The following CNTN5 variants were observed in gnomAD, a reference collection of about 807,000 sequenced individuals.
The protein encoded by CNTN5 is contactin-5.
A neutral mutation model predicts 129.1 loss-of-function variants in CNTN5; 77 were observed. That is an observed-to-expected ratio of 0.60 (90% confidence interval 0.50 to 0.72). The LOEUF (loss-of-function observed/expected upper bound fraction) is 0.72. Among genes scored for constraint, CNTN5 ranks in the 30% least tolerant of loss-of-function variants. The pLI, the probability that CNTN5 is intolerant of heterozygous loss-of-function variation, is 0.00. For missense variants in CNTN5, 1,478 were observed against 1,328.8 expected, an observed-to-expected ratio of 1.11 and a Z score of -1.75; for synonymous variants, 509 against 465.6, an observed-to-expected ratio of 1.09 and a Z score of -1.20.
intron 9 of CNTN5, among the ~76,000 whole-genome samples, chr11:100,027,341 C>T (rs1413594984): frequency 2.0e-5 from 3 of 152,186 alleles, no homozygotes; most frequent in East Asian, 1.9e-4. Flanking sequence ...TCTTTCAGTT[C>T]CTATATTTAT....
At chr11:99,447,528 A>T (rs933465932) in intron 2 of CNTN5, among the ~76,000 whole-genome samples, 3 of 152,232 alleles carry the variant, frequency 2.0e-5, no homozygotes, top group Admixed American at 6.5e-5. Context: ...GAAGTTATAA[A>T]AATTCCCTAT....
At position 99,449,021 on chromosome 11, in the gene CNTN5, G is replaced by C. The variant is rs554783735; in HGVS notation, c.-70-107124G>C. ...TGGTCTGGAACTACTGAGCTCAAGC[G>C]ATTCGCCTGTCTTGGTCTCCAAAGT... On this transcript the variant is annotated intron_variant, in intron 2 of 24. Coordinates refer to ENST00000524871, the MANE Select transcript of CNTN5 (RefSeq NM_014361.4). 7.3e-4 allele frequency among the ~76,000 whole-genome samples: 111 copies of C among 152,000 alleles called. 1 individual carries two copies. Among genetic ancestry groups the C allele is most frequent in the African/African-American group, 2.6e-3 (107 of 41,476 alleles).
rs1212134006 is a variant in CNTN5 at position 99,178,395 on chromosome 11, C to CCTGTAGTCCT, written c.-209-146950_-209-146941dup. On this transcript the variant is annotated intron_variant, in intron 1 of 24. Coordinates refer to ENST00000524871, the MANE Select transcript of CNTN5 (RefSeq NM_014361.4). ...AATTAGCCAGGTGTGGGGCTGTGCA[C>CCTGTAGTCCT]CTGTAGTCCTAGCTATTCAGGAGCC... is the stretch of plus-strand genomic sequence containing the variant. Among the ~76,000 whole-genome samples the CCTGTAGTCCT allele has an allele frequency of 6.0e-5, 9 of 150,516 alleles. No individual in the cohort carries two copies. In the East Asian group the frequency reaches 1.8e-3, roughly 30 times the overall value.
intron 6 of CNTN5, among the ~76,000 whole-genome samples, chr11:99,912,507 A>G (rs1487175271): frequency 1.3e-5 from 2 of 152,032 alleles, no homozygotes; most frequent in Non-Finnish European, 2.9e-5. Flanking sequence ...TATAGTATGC[A>G]TTGAATAAAT....
At chr11:99,626,102 G>C (rs528941359) in intron 3 of CNTN5, among the ~76,000 whole-genome samples, 1 of 151,980 alleles carries the variant, frequency 6.6e-6, no homozygotes, top group Non-Finnish European at 1.5e-5. Flanking sequence ...GGGGTGAATG[G>C]GAGAATGGAG....
At chr11:100,288,199 C>T (rs1053495893) in intron 18 of CNTN5, among the ~76,000 whole-genome samples, 15 of 152,204 alleles carry the variant, frequency 9.9e-5, no homozygotes, top group African/African-American at 3.1e-4. Context: ...GACAGATCAA[C>T]GAGACAGAAA....
At chr11:100,283,929 T>C (rs554729639) in intron 18 of CNTN5, among the ~76,000 whole-genome samples, 23 of 152,074 alleles carry the variant, frequency 1.5e-4, no homozygotes, top group African/African-American at 4.6e-4. Context: ...CTGGGTGACA[T>C]AGCGAGACTC....
At chr11:99,889,766 C>T (rs1004957904) in intron 6 of CNTN5, among the ~76,000 whole-genome samples, 5 of 152,042 alleles carry the variant, frequency 3.3e-5, no homozygotes, top group East Asian at 1.9e-4. Flanking sequence ...AGGCTGGTCT[C>T]GATCTCCTGA....
At chr11:99,988,453 G>A (rs1938835573) in intron 8 of CNTN5, among the ~76,000 whole-genome samples, 2 of 152,080 alleles carry the variant, frequency 1.3e-5, no homozygotes, top group African/African-American at 4.8e-5. Flanking sequence ...CTCTTTGGAG[G>A]GAACATTCCT....
intron 1 of CNTN5, among the ~76,000 whole-genome samples, chr11:99,267,928 A>G (rs61893122): frequency 0.077 from 10,698 of 138,718 alleles, 507 homozygotes; most frequent in Admixed American, 0.14. Context: ...ACGCACACAC[A>G]CACACACACA....
At chr11:99,587,308 T>A (rs1180695037) in intron 3 of CNTN5, among the ~76,000 whole-genome samples, 1 of 152,192 alleles carries the variant, frequency 6.6e-6, no homozygotes, top group Non-Finnish European at 1.5e-5. Context: ...ATATAGAGAA[T>A]GAGCTTTCTT....
intron 21 of CNTN5, among the ~76,000 whole-genome samples, chr11:100,318,521 C>A (rs559727772): frequency 1.2e-3 from 177 of 152,284 alleles, no homozygotes; most frequent in African/African-American, 4.1e-3. Flanking sequence ...AGTGCTGAGA[C>A]ATTATTTTCC....
chr11:99,792,410 G>A (rs1945777016), intron 3 of CNTN5, among the ~76,000 whole-genome samples: 1 of 152,058 alleles, frequency 6.6e-6, no homozygotes, highest in South Asian at 2.1e-4. Flanking sequence ...ATTTGCATAT[G>A]TTGAACCCAC....
intron 1 of CNTN5, among the ~76,000 whole-genome samples, chr11:99,121,138 T>TCTTTA (rs201431995): frequency 0.011 from 1,668 of 146,906 alleles, 34 homozygotes; most frequent in African/African-American, 0.039. Flanking sequence ...TTTCTTTCTT[T>TCTTTA]TTTTTTTTTT....
At position 99,087,958 on chromosome 11, in the gene CNTN5, G is replaced by A. The variant is rs779417644; in HGVS notation, c.-210+66688G>A. Among the ~76,000 whole-genome samples, 10 of 152,184 alleles carry A rather than the reference G, an allele frequency of 6.6e-5. No homozygotes were observed. The South Asian group carries it at 1.2e-3, about 19-fold the overall frequency. ...CTTAGCCTAATGCTATGCTGTCACT[G>A]TCTTGAAATTCTTAATAATTTTTGC... On this transcript the variant is annotated intron_variant, in intron 1 of 24. Transcript: ENST00000524871.
At chr11:100,032,052 G>C (rs576561519) in intron 9 of CNTN5, among the ~76,000 whole-genome samples, 5 of 152,138 alleles carry the variant, frequency 3.3e-5, no homozygotes, top group Non-Finnish European at 7.3e-5. Context: ...CTGCTGGCCA[G>C]ATCCCACAAT....
At chr11:99,034,141 C>G (rs1395569760) in intron 1 of CNTN5, among the ~76,000 whole-genome samples, 1 of 152,138 alleles carries the variant, frequency 6.6e-6, no homozygotes, top group Non-Finnish European at 1.5e-5. Flanking sequence ...GGTGGATAAG[C>G]TTTTTGATGT....
chr11:99,074,144 T>C (rs945686263), intron 1 of CNTN5, among the ~76,000 whole-genome samples: 5 of 152,234 alleles, frequency 3.3e-5, no homozygotes, highest in African/African-American at 1.2e-4. Context: ...TCGAGCTTTT[T>C]TTCATATGTT....
In CNTN5 at chr11:99,386,405, A is replaced by G. The variant is rs901158411; in HGVS notation, c.-71+60921A>G. On this transcript the variant is annotated intron_variant, in intron 2 of 24. Coordinates refer to ENST00000524871, the MANE Select transcript of CNTN5 (RefSeq NM_014361.4). ...GTTATTTCTTGAACATATGCTAAACAAGGAGTGGATTATTCATGGCTCCTC... is the reference window on the plus strand; with the variant it reads ...GTTATTTCTTGAACATATGCTAAACGAGGAGTGGATTATTCATGGCTCCTC... 2.6e-5 allele frequency among the ~76,000 whole-genome samples: 4 copies of G among 152,208 alleles called. No homozygotes were observed. The East Asian group carries it at 7.7e-4, about 29-fold the overall frequency.
Sources: allele counts gnomAD v4.1 joint callset (sites outside exome capture counted in the v4.1 genomes callset), GRCh38; gene constraint gnomAD v4.1.1; transcripts MANE v1.5; gene names NCBI Gene and HGNC (gene_info 2026-07-23, HGNC 2026-07-21).